VAV3: variants seen among roughly 807,000 people sequenced by gnomAD.
The protein encoded by VAV3 is guanine nucleotide exchange factor VAV3.
In VAV3, 94 loss-of-function variants were observed where a neutral mutation model predicts 131.2. The observed-to-expected ratio is 0.72, with a 90% CI of 0.61 to 0.85. The LOEUF is 0.85. Ranked by LOEUF, VAV3 falls within the 40% of genes least tolerant of loss-of-function variation. VAV3 has a pLI of 0.00. For missense variants in VAV3, 939 were observed against 1,002.7 expected (o/e 0.94, Z 0.86); for synonymous variants, 349 against 342.0 (o/e 1.02, Z -0.22).
At chr1:107,664,097 G>T (rs1351024788) in intron 19 of VAV3, among the ~76,000 whole-genome samples, 1 of 151,790 alleles carries the variant, frequency 6.6e-6, no homozygotes, top group African/African-American at 2.4e-5. Flanking sequence ...CTTTCTTAAT[G>T]GTTTAATAAG....
intron 2 of VAV3, among the ~76,000 whole-genome samples, chr1:107,845,852 T>C (rs1668942227): frequency 6.6e-6 from 1 of 152,128 alleles, no homozygotes; most frequent in Non-Finnish European, 1.5e-5. Flanking sequence ...ACAGGGAGAA[T>C]GGAACCAAGT....
At chr1:107,660,522 C>G (rs770484079) in intron 19 of VAV3, among the ~76,000 whole-genome samples, 3 of 152,174 alleles carry the variant, frequency 2.0e-5, no homozygotes, top group Non-Finnish European at 4.4e-5. Flanking sequence ...CTTATAGCCT[C>G]CCTGTCTGAC....
chr1:107,892,110 C>A (rs919337445), intron 1 of VAV3, among the ~76,000 whole-genome samples: 1 of 151,950 alleles, frequency 6.6e-6, no homozygotes, highest in Admixed American at 6.6e-5. Context: ...CAAATATATC[C>A]CTAATTTTAT....
intron 17 of VAV3, among the ~76,000 whole-genome samples, chr1:107,704,344 C>A (rs569860099): frequency 1.3e-5 from 2 of 152,222 alleles, no homozygotes; most frequent in South Asian, 4.1e-4. Context: ...GTATAAAAGT[C>A]ACACAAATTT....
At chr1:107,946,708 T>C (rs1379654242) in intron 1 of VAV3, among the ~76,000 whole-genome samples, 1 of 152,232 alleles carries the variant, frequency 6.6e-6, no homozygotes, top group Non-Finnish European at 1.5e-5. Context: ...CTATTCCTCA[T>C]TTTCACAACT....
intron 19 of VAV3, among the ~76,000 whole-genome samples, chr1:107,675,371 T>C (rs1658127853): frequency 6.6e-6 from 1 of 151,738 alleles, no homozygotes; most frequent in Non-Finnish European, 1.5e-5. Context: ...ATTTTAGAGA[T>C]GATAAGCAGG....
chr1:107,657,305 T>C (rs550781026), intron 19 of VAV3, among the ~76,000 whole-genome samples: 1 of 152,124 alleles, frequency 6.6e-6, no homozygotes, highest in Non-Finnish European at 1.5e-5. Flanking sequence ...AACAAAACAA[T>C]TTAACAGCAG....
chr1:107,642,668 C>T lies in VAV3; in HGVS notation c.1865G>A (p.Gly622Glu). The T allele has an allele frequency of 6.2e-7, 1 of 1,613,328 alleles. No homozygotes were observed. Among genetic ancestry groups the T allele is most frequent in the Non-Finnish European group, 8.5e-7 (1 of 1,179,624 alleles). The part of the protein sequence containing the change: ...HEGPPLQLQA[G>E]DTVELLKGDA... ...TCCTTTCAGAAGTTCAACGGTATCC[C>T]CGGCCTGGAGCTGTAAAGGGGGTCC... The change falls in exon 20 of 27, where the codon GGG (glycine) becomes GAG (glutamate). Residue 622 changes from glycine (G) to glutamate (E), a missense_variant. Transcript: ENST00000370056.
At chr1:107,584,737 A>T (rs1650353489) in intron 25 of VAV3, among the ~76,000 whole-genome samples, 1 of 152,190 alleles carries the variant, frequency 6.6e-6, no homozygotes, top group African/African-American at 2.4e-5. Context: ...AAAATAAACT[A>T]CTACTTAGTA....
chr1:107,593,769 T>A (rs954348537), intron 25 of VAV3, among the ~76,000 whole-genome samples: 3 of 152,022 alleles, frequency 2.0e-5, no homozygotes, highest in Non-Finnish European at 2.9e-5. Flanking sequence ...AAGTTATATT[T>A]AAAAAATCAT....
intron 15 of VAV3, among the ~76,000 whole-genome samples, chr1:107,742,142 A>G (rs1227575943): frequency 6.6e-6 from 1 of 152,200 alleles, no homozygotes. Context: ...GATCCACACT[A>G]TATAGCCTTC....
At chr1:107,575,411 A>C (rs1649577381) in intron 25 of VAV3, among the ~76,000 whole-genome samples, 1 of 152,136 alleles carries the variant, frequency 6.6e-6, no homozygotes, top group African/African-American at 2.4e-5. Flanking sequence ...GGGATCTCTG[A>C]CCTATTATTC....
chr1:107,695,707 A>G (rs1213540145), intron 17 of VAV3, among the ~76,000 whole-genome samples: 4 of 152,166 alleles, frequency 2.6e-5, no homozygotes, highest in African/African-American at 9.7e-5. Flanking sequence ...TGTGGGTTGT[A>G]GCTAAACCAG....
At chr1:107,934,674 G>C (rs180671251) in intron 1 of VAV3, among the ~76,000 whole-genome samples, 150 of 152,246 alleles carry the variant, frequency 9.9e-4, no homozygotes, top group Non-Finnish European at 7.6e-4. Flanking sequence ...GTCTCGAAAA[G>C]GAAACTCTTA....
chr1:107,669,848 G>C (rs994225603), intron 19 of VAV3, among the ~76,000 whole-genome samples: 6 of 152,176 alleles, frequency 3.9e-5, no homozygotes, highest in Admixed American at 3.3e-4. Flanking sequence ...TTAGAGGAGA[G>C]AGTAACTACA....
At chr1:107,620,137 T>A (rs1653456223) in intron 20 of VAV3, among the ~76,000 whole-genome samples, 1 of 152,162 alleles carries the variant, frequency 6.6e-6, no homozygotes, top group Non-Finnish European at 1.5e-5. Context: ...GCATAAGGGA[T>A]AATCTCTCAG....
intron 2 of VAV3, among the ~76,000 whole-genome samples, chr1:107,810,642 T>G (rs982417786): frequency 6.6e-6 from 1 of 152,032 alleles, no homozygotes; most frequent in Non-Finnish European, 1.5e-5. Flanking sequence ...AGTAAGGAAA[T>G]CTAGGAGATA....
At chr1:107,783,872 C>T (rs1249248443) in intron 2 of VAV3, among the ~76,000 whole-genome samples, 1 of 149,538 alleles carries the variant, frequency 6.7e-6, no homozygotes. Context: ...CACAGTGAAA[C>T]CCTATCTCTA....
At chr1:107,790,497 G>T (rs769031826) in intron 2 of VAV3, among the ~76,000 whole-genome samples, 1 of 152,210 alleles carries the variant, frequency 6.6e-6, no homozygotes, top group African/African-American at 2.4e-5. Context: ...GGCACACAGT[G>T]CCAGAGGAGA....
Sources: allele counts gnomAD v4.1 joint callset (sites outside exome capture counted in the v4.1 genomes callset), GRCh38; gene constraint gnomAD v4.1.1; transcripts MANE v1.5; gene names NCBI Gene and HGNC (gene_info 2026-07-23, HGNC 2026-07-21).